MYH4: variants seen among roughly 807,000 people sequenced by gnomAD.
MYH4 encodes myosin heavy chain 4.
In MYH4, 200 loss-of-function variants were observed where a neutral mutation model predicts 229.9. The ratio of observed to expected loss-of-function variants is 0.87; its 90% confidence interval spans 0.78 to 0.98. The LOEUF (loss-of-function observed/expected upper bound fraction) is 0.98. Ranked by LOEUF, MYH4 falls within the 50% of genes least tolerant of loss-of-function variation. The pLI is 0.00. For missense variants in MYH4, 2,148 were observed against 2,332.6 expected (o/e 0.92, Z 1.63); for synonymous variants, 761 against 834.6 (o/e 0.91, Z 1.52).
At chr17:10,461,132 C>CT in intron 11 of MYH4, 78 bp from the exon 12 acceptor site, 1 of 1,528,540 alleles carries the variant, frequency 6.5e-7, no homozygotes, top group Non-Finnish European at 9.0e-7. Context: ...CTGTCTCCCA[C>CT]TTTTTTCTCA....
Position 10,448,725 on chromosome 17 carries a change from T to TG in MYH4, c.4423dup (p.Gln1475ProfsTer10), listed in dbSNP as rs2072540509. The TG allele has an allele frequency of 6.2e-7, 1 of 1,614,038 alleles. No homozygotes were observed. The highest frequency in any genetic ancestry group is 1.1e-5 in the South Asian group (1 of 91,092). On this transcript the variant is annotated frameshift_variant, in exon 32 of 40. Transcript: ENST00000255381. LOFTEE classifies it high-confidence loss of function. The stretch of plus-strand genomic sequence containing the variant: ...AGTGCTGAGAGAACGCGACTCCTTC[T>TG]GGGAGGCCTCAAGTTCAGCCTGAGT...
chr17:10,466,150 A>T, intron 4 of MYH4, 123 bp downstream of exon 4: 1 of 1,161,048 alleles, frequency 8.6e-7, no homozygotes, highest in Non-Finnish European at 1.2e-6. Context: ...TTACAACATT[A>T]ACCAAACAAT....
chr17:10,456,321 T>C (rs982546159), intron 17 of MYH4, among the ~76,000 whole-genome samples, 164 bp downstream of exon 17: 4 of 152,206 alleles, frequency 2.6e-5, no homozygotes, highest in Non-Finnish European at 5.9e-5. Context: ...TAATTTTTTT[T>C]CCTAAGCCAT....
intron 4 of MYH4, 25 bp from the exon 5 acceptor site, chr17:10,465,623 G>A (rs781517146): frequency 6.2e-6 from 10 of 1,613,932 alleles, no homozygotes; most frequent in African/African-American, 2.7e-5. Context: ...GGGGTTCCTC[G>A]ATCAGCAATC....
At chr17:10,460,534 T>A (rs534655105) in intron 12 of MYH4, among the ~76,000 whole-genome samples, 1 of 152,308 alleles carries the variant, frequency 6.6e-6, no homozygotes, top group Non-Finnish European at 1.5e-5. Context: ...GGTTGGGGAA[T>A]CGATGCTGTC....
intron 30 of MYH4, 139 bp downstream of exon 30, chr17:10,450,314 G>C: frequency 1.5e-6 from 2 of 1,357,032 alleles, no homozygotes; most frequent in Non-Finnish European, 2.0e-6. Context: ...AGAAGAATAT[G>C]GTGGAATCCA....
At chr17:10,456,688 C>T in intron 16 of MYH4, 133 bp from the exon 17 acceptor site, 1 of 666,790 alleles carries the variant, frequency 1.5e-6, no homozygotes, top group Non-Finnish European at 2.6e-6. Context: ...CCTATTCTTT[C>T]CATATCTCTC....
intron 30 of MYH4, 45 bp from the exon 31 acceptor site, chr17:10,449,092 C>T: frequency 6.5e-7 from 1 of 1,543,944 alleles, no homozygotes; most frequent in Non-Finnish European, 8.9e-7. Context: ...GACTCAGAGT[C>T]ACCACAGTGC....
intron 5 of MYH4, among the ~76,000 whole-genome samples, chr17:10,465,201 T>C (rs757282734): frequency 2.6e-5 from 4 of 152,230 alleles, no homozygotes; most frequent in Admixed American, 1.3e-4. Flanking sequence ...GATTTTAGCA[T>C]AGAAATCTAA....
rs371108016 is a variant in MYH4, at chr17:10,443,434, C to A, written c.5761G>T (p.Val1921Phe). Residue 1921 changes from valine to phenylalanine, a missense_variant, in exon 40 of 40, where the codon GTC becomes TTC. Coordinates refer to ENST00000255381, the MANE Select transcript of MYH4 (RefSeq NM_017533.2). The surrounding 1 kb of genome is among the most constrained non-coding windows in gnomAD (Gnocchi z 4.6). ...CGACTCTTCACTCTCAGCTTGTTGA[C>A]TTGGGACTCAGCAATGTCAGCCCGT... ...KERADIAESQ[V>F]NKLRVKSREV... 1.4e-5 allele frequency: 22 copies of A among 1,614,194 alleles called. No homozygotes were observed. Among genetic ancestry groups the A allele is most frequent in the Non-Finnish European group, 1.8e-5 (21 of 1,180,008 alleles).
rs768136585 is a variant in MYH4 at position 10,461,043 on chromosome 17, G to A, written c.1020C>T (p.Asp340=). The A allele has an allele frequency of 2.5e-6, 4 of 1,614,066 alleles. No homozygotes were observed. Among genetic ancestry groups the A allele is most frequent in the Admixed American group, 1.7e-5 (1 of 60,026 alleles). ...TTTCATCAGCAGTGAAACCCAGGAT[G>A]TCCACAGCACTCTGTCAAAAGAGTT... ...EELMATDSAV[D]ILGFTADEKV... is the part of the protein sequence containing the mutation. The change falls in exon 12 of 40, where the codon GAC becomes GAT. Residue 340 remains aspartate, a synonymous_variant. Transcript: ENST00000255381.
chr17:10,446,561 A>G (rs2072513861), intron 35 of MYH4, among the ~76,000 whole-genome samples: 1 of 152,346 alleles, frequency 6.6e-6, no homozygotes. Context: ...AATGCTAACT[A>G]GTATTAATAA....
intron 7 of MYH4, 75 bp downstream of exon 7, chr17:10,464,397 A>G: frequency 8.1e-7 from 1 of 1,233,202 alleles, no homozygotes; most frequent in Non-Finnish European, 1.2e-6. Context: ...TTTTCTGTAT[A>G]CAGTCTACTG....
At position 10,463,368 on chromosome 17, in the gene MYH4, C is replaced by T. The variant is rs1440532830; in HGVS notation, c.775G>A (p.Gly259Ser). The T allele has an allele frequency of 3.1e-6, 5 of 1,612,892 alleles. No homozygotes were observed. The highest frequency in any genetic ancestry group is 2.2e-5 in the East Asian group (1 of 44,880). ...KFIRIHFGATGKLASADIETY... is the reference protein window; with the variant it reads ...KFIRIHFGATSKLASADIETY... ...TCAATATCTGCAGAAGCCAGTTTGC[C>T]TGTGGCACCAAAATGGATCCTGATG... Residue 259 changes from glycine (G) to serine (S), a missense_variant, in exon 9 of 40, where the codon GGC becomes AGC. Transcript: ENST00000255381.
At chr17:10,468,932 G>T (rs2072793984) in intron 2 of MYH4, among the ~76,000 whole-genome samples, 1 of 152,178 alleles carries the variant, frequency 6.6e-6, no homozygotes, top group Admixed American at 6.5e-5. Context: ...TCAGTGAAAA[G>T]CCTGGATTGG....
chr17:10,463,462 G>A, intron 8 of MYH4, 61 bp from the exon 9 acceptor site: 14 of 1,584,528 alleles, frequency 8.8e-6, no homozygotes, highest in Non-Finnish European at 1.2e-5. Flanking sequence ...TTCTTTAGCT[G>A]TGGACCAAAC....
At chr17:10,465,764 GTTTTTCT>G (rs2072757337) in intron 4 of MYH4, among the ~76,000 whole-genome samples, 166 bp from the exon 5 acceptor site, 1 of 129,814 alleles carries the variant, frequency 7.7e-6, no homozygotes, top group African/African-American at 2.8e-5. Flanking sequence ...AAATGCTTCA[GTTTTTCT>G]TTTTTTTTTT....
chr17:10,463,434 A>G (rs1176923689), intron 8 of MYH4, 33 bp from the exon 9 acceptor site: 3 of 1,596,754 alleles, frequency 1.9e-6, no homozygotes, highest in Admixed American at 1.7e-5. Context: ...TATTATACAC[A>G]TTAAAATCAG....
chr17:10,451,737 G>T (rs1245202212), intron 27 of MYH4, among the ~76,000 whole-genome samples: 1 of 151,814 alleles, frequency 6.6e-6, no homozygotes, highest in Non-Finnish European at 1.5e-5. Flanking sequence ...TTTTTTCATG[G>T]TAATAGTATC....
Sources: gnomAD v4.1 joint callset for allele counts (sites outside exome capture counted in the v4.1 genomes callset) on GRCh38, gnomAD v4.1.1 for gene constraint, Gnocchi (gnomAD v3.1) non-coding constraint, MANE v1.5 for transcripts, NCBI Gene and HGNC (gene_info 2026-07-23, HGNC 2026-07-21) for gene names.